The following F8 variants were observed in gnomAD, a reference collection of about 807,000 sequenced individuals.
F8 encodes coagulation factor VIII.
In F8, 12 loss-of-function variants were observed where a neutral mutation model predicts 140.6. The observed-to-expected ratio is 0.09, with a 90% CI of 0.05 to 0.14. F8 has a LOEUF of 0.14. F8 is among the 10% of genes least tolerant of loss of function. The pLI is 1.00. For missense variants in F8, 1,354 were observed against 1,720.7 expected (o/e 0.79, Z 3.77); for synonymous variants, 585 against 614.6 (o/e 0.95, Z 0.71).
chrX:154,989,200 T>A (rs782366308), intron 4 of F8, among the ~76,000 whole-genome samples: 69 of 111,966 alleles, frequency 6.2e-4, no homozygotes, highest in Middle Eastern at 4.6e-3. Context: ...ACATTTAAAA[T>A]ACGTATAAAG....
Position 154,930,383 on chromosome X carries a change from G to T in F8, c.3407C>A (p.Ser1136Tyr). 2.5e-6 allele frequency: 3 copies of T among 1,210,764 alleles called. No homozygotes were observed. The change falls in exon 14 of 26, where the codon TCT becomes TAT. Residue 1136 changes from serine (S) to tyrosine (Y), a missense_variant. Coordinates refer to ENST00000360256, the MANE Select transcript of F8 (RefSeq NM_000132.4). Reference sequence around the variant, plus strand: ...ACTGGGGCCTTGCCCAGAGTTCAGAGAGTTCTTTCCATGAGTCCTTTGTAT... The same window carrying T: ...ACTGGGGCCTTGCCCAGAGTTCAGATAGTTCTTTCCATGAGTCCTTTGTAT... ...RWIQRTHGKN[S>Y]LNSGQGPSPK...
rs1003583605 is a variant in F8, at chrX:154,997,237, A to G, written c.266-142T>C. 3.1e-5 allele frequency: 22 copies of G among 708,031 alleles called. 1 individual carries two copies. In the Middle Eastern group the frequency reaches 1.3e-3, roughly 41 times the overall value. The allele number at this position is 708,031 out of a possible 1,213,427, so 58.3% of individuals were successfully genotyped here. A position where few individuals can be genotyped will look rare whatever the true frequency, so the allele number is the denominator to read the frequency against. Reference sequence around the variant, plus strand: ...AAAAAGTAGTATTTGCTTGCTGCCAACATCAGCCTAACCTTATGGTTGCTC... The same window carrying G: ...AAAAAGTAGTATTTGCTTGCTGCCAGCATCAGCCTAACCTTATGGTTGCTC... On this transcript the variant is annotated intron_variant, in intron 2 of 25. Transcript: ENST00000360256.
chrX:154,878,634 CA>C (rs1358856986), intron 22 of F8, among the ~76,000 whole-genome samples: 1 of 110,522 alleles, frequency 9.0e-6, no homozygotes, highest in Non-Finnish European at 1.9e-5. Context: ...AAGTCTTAGC[CA>C]GAGCAATTAG....
intron 3 of F8, among the ~76,000 whole-genome samples, chrX:154,996,101 C>T (rs1469506185): frequency 8.9e-6 from 1 of 112,213 alleles, no homozygotes; most frequent in Non-Finnish European, 1.9e-5. Context: ...GCATTGGCCA[C>T]TCGTTTCTCC....
intron 1 of F8, among the ~76,000 whole-genome samples, chrX:155,003,088 G>A (rs1247180358): frequency 1.8e-5 from 2 of 111,964 alleles, no homozygotes; most frequent in African/African-American, 3.2e-5. Context: ...AAAATTTGAA[G>A]AGACTGAACA....
At chrX:154,910,057 C>G (rs1569559556) in intron 14 of F8, among the ~76,000 whole-genome samples, 1 of 111,647 alleles carries the variant, frequency 9.0e-6, no homozygotes, top group Non-Finnish European at 1.9e-5. Flanking sequence ...CCATTTTGGT[C>G]TGTACTAAGA....
At chrX:154,844,785 C>A (rs1425923592) in intron 25 of F8, among the ~76,000 whole-genome samples, 2 of 110,671 alleles carry the variant, frequency 1.8e-5, no homozygotes, top group Admixed American at 1.9e-4. Context: ...CCCTTTATTT[C>A]TTTCTCCTGC....
chrX:154,839,500 C>A (rs1557271197), intron 25 of F8, among the ~76,000 whole-genome samples: 2 of 109,246 alleles, frequency 1.8e-5, no homozygotes, highest in Non-Finnish European at 3.8e-5. Context: ...GTAGCTGGGA[C>A]TACAGGTGCC....
chrX:154,953,803 T>A (rs2073349402), intron 12 of F8, 89 bp downstream of exon 12: 3 of 1,046,158 alleles, frequency 2.9e-6, no homozygotes, highest in Non-Finnish European at 4.0e-6. Flanking sequence ...TATGTGCACA[T>A]ACAATTCATT....
At chrX:154,938,039 A>G (rs782735971) in intron 13 of F8, among the ~76,000 whole-genome samples, 1 of 112,394 alleles carries the variant, frequency 8.9e-6, no homozygotes, top group East Asian at 2.8e-4. Flanking sequence ...CAATAAGTCA[A>G]TGGAATATAA....
intron 6 of F8, among the ~76,000 whole-genome samples, chrX:154,980,987 C>G (rs2073515903): frequency 8.9e-6 from 1 of 112,116 alleles, no homozygotes; most frequent in South Asian, 3.7e-4. Context: ...AAAGGACTGG[C>G]TGTTGTATTT....
chrX:155,007,756 G>A (rs782207012), intron 1 of F8, among the ~76,000 whole-genome samples: 6 of 112,044 alleles, frequency 5.4e-5, no homozygotes, highest in Non-Finnish European at 1.1e-4. Flanking sequence ...GATCTGAGGC[G>A]GACAGTTTCA....
intron 25 of F8, among the ~76,000 whole-genome samples, chrX:154,843,197 A>G: frequency 8.9e-6 from 1 of 111,749 alleles, no homozygotes; most frequent in Non-Finnish European, 1.9e-5. Flanking sequence ...TCTATCATTG[A>G]TGGACATTTG....
At chrX:154,896,829 G>A (rs2072984218) in intron 21 of F8, among the ~76,000 whole-genome samples, 1 of 112,031 alleles carries the variant, frequency 8.9e-6, no homozygotes, top group African/African-American at 3.2e-5. Context: ...GCAAATTATT[G>A]CACCATATTA....
intron 22 of F8, among the ~76,000 whole-genome samples, chrX:154,864,808 AG>A (rs781988796): frequency 8.9e-6 from 1 of 111,732 alleles, no homozygotes; most frequent in Admixed American, 9.6e-5. Context: ...CGGAATAAAA[AG>A]AACAATGAGA....
chrX:154,945,174 A>AT (rs1274612476), intron 13 of F8, among the ~76,000 whole-genome samples: 4 of 110,255 alleles, frequency 3.6e-5, no homozygotes, highest in Admixed American at 1.9e-4. Flanking sequence ...TATAATAATA[A>AT]AAAAAAAGAA....
chrX:154,989,165 G>A lies in F8; in HGVS notation c.602-1860C>T, dbSNP rs150171740. ...AGACCCTGTGCCATCTTTACCAGAA[G>A]TACTGGATTAAAAACTTTAGAGACA... On this transcript the variant is annotated intron_variant, in intron 4 of 25. Coordinates refer to ENST00000360256, the MANE Select transcript of F8 (RefSeq NM_000132.4). Among the ~76,000 whole-genome samples the A allele has an allele frequency of 8.5e-3, 957 of 112,057 alleles. 11 individuals carry two copies. The highest frequency in any genetic ancestry group is 0.03 in the African/African-American group (912 of 30,837).
rs782530300 is a variant in F8 at position 154,929,516 on chromosome X, C to T, written c.4274G>A (p.Arg1425Lys). Residue 1425 changes from arginine (R) to lysine (K), a missense_variant, in exon 14 of 26, where the codon AGG becomes AAG. Arg to Lys is a conservative substitution (Grantham distance 26). Coordinates refer to ENST00000360256, the MANE Select transcript of F8 (RefSeq NM_000132.4). ...AGAAGAGTTGTCTTGGAATAGGACC[C>T]TGGTCAGATATATAGGTCTAATAGA... ...FPSIRPIYLT[R>K]VLFQDNSSHL... 3 of 1,210,614 alleles carry T rather than the reference C, an allele frequency of 2.5e-6. No individual in the cohort carries two copies. The Admixed American group carries it at 6.5e-5, about 26-fold the overall frequency.
intron 13 of F8, among the ~76,000 whole-genome samples, chrX:154,945,626 G>A (rs1292383696): frequency 2.7e-5 from 3 of 111,761 alleles, no homozygotes; most frequent in African/African-American, 9.8e-5. Context: ...ACAAACTACG[G>A]CTAATATCAT....
Sources: gnomAD v4.1 joint callset for allele counts (sites outside exome capture counted in the v4.1 genomes callset) on GRCh38, gnomAD v4.1.1 for gene constraint, MANE v1.5 for transcripts, NCBI Gene and HGNC (gene_info 2026-07-23, HGNC 2026-07-21) for gene names.